The following ARHGAP8 variants were observed in gnomAD, a reference collection of about 807,000 sequenced individuals.
The protein encoded by ARHGAP8 is Rho GTPase activating protein 8.
In ARHGAP8, 62 loss-of-function variants were observed where a neutral mutation model predicts 46.1. The observed-to-expected ratio is 1.34, with a 90% CI of 1.10 to 1.66. The LOEUF is 1.66. Ranked by LOEUF, ARHGAP8 falls within the 40% of genes most tolerant of loss-of-function variation. The pLI, the probability that ARHGAP8 is intolerant of heterozygous loss-of-function variation, is 0.00. For missense variants in ARHGAP8, 923 were observed against 568.4 expected, an observed-to-expected ratio of 1.62 and a Z score of -6.34; for synonymous variants, 375 against 243.1, an observed-to-expected ratio of 1.54 and a Z score of -5.05.
intron 2 of ARHGAP8, among the ~76,000 whole-genome samples, chr22:44,790,556 A>G (rs1324008524): frequency 6.6e-6 from 1 of 151,074 alleles, no homozygotes; most frequent in African/African-American, 2.4e-5. Flanking sequence ...CATATCTGTA[A>G]TCCCAGCTAC....
intron 1 of ARHGAP8, among the ~76,000 whole-genome samples, chr22:44,755,840 G>A (rs11090694): frequency 0.24 from 35,736 of 152,020 alleles, 4,558 homozygotes; most frequent in South Asian, 0.46. Flanking sequence ...GTTAACAACC[G>A]GGATGGGGCC....
At chr22:44,817,531 C>T (rs1929837388) in intron 5 of ARHGAP8, among the ~76,000 whole-genome samples, 1 of 152,080 alleles carries the variant, frequency 6.6e-6, no homozygotes, top group African/African-American at 2.4e-5. Flanking sequence ...GGGCTGGGCG[C>T]AATAGCTCAC....
intron 6 of ARHGAP8, among the ~76,000 whole-genome samples, chr22:44,824,144 C>A (rs1930342907): frequency 6.6e-6 from 1 of 152,154 alleles, no homozygotes; most frequent in South Asian, 2.1e-4. Context: ...CAGGGCAGGG[C>A]CTTGGGGTGC....
At chr22:44,776,614 A>AT in intron 1 of ARHGAP8, among the ~76,000 whole-genome samples, 1 of 151,968 alleles carries the variant, frequency 6.6e-6, no homozygotes, top group Non-Finnish European at 1.5e-5. Context: ...TGGAGTTCAG[A>AT]TTTTTCATTA....
chr22:44,757,764 G>A (rs576416299), intron 1 of ARHGAP8, among the ~76,000 whole-genome samples: 1 of 150,284 alleles, frequency 6.7e-6, no homozygotes, highest in African/African-American at 2.4e-5. Context: ...TCAGCCTCCG[G>A]AGTAGCTGGG....
intron 1 of ARHGAP8, among the ~76,000 whole-genome samples, chr22:44,769,979 C>G (rs5765968): frequency 0.33 from 50,403 of 152,016 alleles, 9,796 homozygotes; most frequent in East Asian, 0.75. Context: ...GGCGCAGTGG[C>G]TCAAGCCTGT....
chr22:44,767,856 G>C (rs1310757247), intron 1 of ARHGAP8, among the ~76,000 whole-genome samples: 4 of 140,296 alleles, frequency 2.9e-5, no homozygotes, highest in Non-Finnish European at 3.0e-5. Flanking sequence ...CTGGGCGACA[G>C]AGTGAGACCC....
intron 10 of ARHGAP8, 76 bp from the exon 11 acceptor site, chr22:44,859,655 G>A (rs550336823): frequency 2.0e-6 from 3 of 1,483,912 alleles, no homozygotes; most frequent in Non-Finnish European, 1.8e-6. Flanking sequence ...CTACACCCCT[G>A]TTCTCCTCCC....
chr22:44,837,560 T>C (rs1216287119), intron 7 of ARHGAP8, among the ~76,000 whole-genome samples: 1 of 152,032 alleles, frequency 6.6e-6, no homozygotes, highest in African/African-American at 2.4e-5. Flanking sequence ...TGTGATACGA[T>C]TCACCGGCGC....
intron 7 of ARHGAP8, among the ~76,000 whole-genome samples, chr22:44,829,118 C>CAAAAAAA (rs57906111): frequency 2.2e-4 from 11 of 49,360 alleles, no homozygotes; most frequent in African/African-American, 7.3e-4. Flanking sequence ...ACTAAAAATA[C>CAAAAAAA]AAAAAAAAAA....
chr22:44,848,170 ACT>A, intron 9 of ARHGAP8, 120 bp downstream of exon 9: 1 of 1,386,838 alleles, frequency 7.2e-7, no homozygotes. Context: ...CCCAGAAAAC[ACT>A]CAGGGTGGGG....
chr22:44,755,576 C>G (rs557008920), intron 1 of ARHGAP8, among the ~76,000 whole-genome samples: 5 of 152,300 alleles, frequency 3.3e-5, no homozygotes, highest in African/African-American at 9.6e-5. Flanking sequence ...CAGGAGAGCG[C>G]GCTGCTCCGG....
chr22:44,831,980 G>A (rs1159064765), intron 7 of ARHGAP8, among the ~76,000 whole-genome samples: 1 of 152,022 alleles, frequency 6.6e-6, no homozygotes, highest in Non-Finnish European at 1.5e-5. Context: ...GTATCAGCTC[G>A]TTAATTTCTG....
rs942434804 is a variant in ARHGAP8 at position 44,859,470 on chromosome 22, C to T, written c.878-261C>T. On this transcript the variant is annotated intron_variant, in intron 10 of 11. Coordinates refer to ENST00000356099, the MANE Select transcript of ARHGAP8 (RefSeq NM_181335.3). ...CCAGAAGCTGAACAGGTGCTGGTGC[C>T]ATGCTTGTACAGCCTGTAGAACCAT... Among the ~76,000 whole-genome samples the T allele has an allele frequency of 5.3e-5, 8 of 152,144 alleles. No homozygotes were observed. The South Asian group carries it at 6.2e-4, about 12-fold the overall frequency.
chr22:44,829,768 A>G (rs1203055054), intron 7 of ARHGAP8, among the ~76,000 whole-genome samples: 1 of 152,256 alleles, frequency 6.6e-6, no homozygotes, highest in East Asian at 1.9e-4. Flanking sequence ...TCCTATTCAC[A>G]AATGTTAATT....
intron 1 of ARHGAP8, among the ~76,000 whole-genome samples, chr22:44,768,813 G>C (rs1199814819): frequency 4.0e-5 from 6 of 151,546 alleles, no homozygotes; most frequent in Admixed American, 2.0e-4. Context: ...GTGGCTGCCA[G>C]AGTCCCTGTC....
At chr22:44,797,651 C>T (rs979532450) in intron 2 of ARHGAP8, among the ~76,000 whole-genome samples, 14 of 152,200 alleles carry the variant, frequency 9.2e-5, no homozygotes, top group African/African-American at 3.1e-4. Flanking sequence ...CTCGGAGTAG[C>T]TTCCAGGCTC....
At chr22:44,860,967 CATA>C (rs1569188997) in intron 11 of ARHGAP8, among the ~76,000 whole-genome samples, 2 of 150,122 alleles carry the variant, frequency 1.3e-5, no homozygotes, top group African/African-American at 4.9e-5. Context: ...TGTTGCTTGA[CATA>C]ATTTCTCAGA....
chr22:44,799,639 C>T (rs533346677), intron 2 of ARHGAP8, among the ~76,000 whole-genome samples: 6 of 152,228 alleles, frequency 3.9e-5, no homozygotes, highest in African/African-American at 1.2e-4. Flanking sequence ...CCCACTGCTG[C>T]CTGTACCCCT....
Sources: allele counts gnomAD v4.1 joint callset (sites outside exome capture counted in the v4.1 genomes callset), GRCh38; gene constraint gnomAD v4.1.1; transcripts MANE v1.5; gene names NCBI Gene and HGNC (gene_info 2026-07-23, HGNC 2026-07-21).